Variants in MALRD1 observed in about 807,000 individuals in gnomAD.
MALRD1 encodes MAM and LDL-receptor class A domain-containing protein 1.
A neutral mutation model predicts 242.1 loss-of-function variants in MALRD1; 247 were observed. The ratio of observed to expected loss-of-function variants is 1.02; its 90% CI spans 0.92 to 1.13. The LOEUF (loss-of-function observed/expected upper bound fraction) is 1.13, where lower values mean the gene tolerates loss of function less well. MALRD1 is among the 50% of genes most tolerant of loss of function. The pLI is 0.00. For synonymous variants in MALRD1, 995 were observed against 866.6 expected, an observed-to-expected ratio of 1.15 and a Z score of -2.60; for missense variants, 2,989 against 2,533.1, an observed-to-expected ratio of 1.18 and a Z score of -3.86.
chr10:19,159,406 A>G (rs1834300508), intron 12 of MALRD1, among the ~76,000 whole-genome samples: 1 of 151,712 alleles, frequency 6.6e-6, no homozygotes, highest in South Asian at 2.1e-4. Flanking sequence ...TCTAGATCTT[A>G]TAAAGGTGCA....
Position 19,165,754 on chromosome 10 carries a change from A to T in MALRD1, c.1774A>T (p.Ser592Cys). The change falls in exon 13 of 40, where the codon AGC (serine) becomes TGC (cysteine). Residue 592 changes from serine to cysteine, a missense_variant. Physicochemically the swap from Ser to Cys is moderately radical, Grantham distance 112. Coordinates refer to ENST00000454679, the MANE Select transcript of MALRD1 (RefSeq NM_001142308.3). ...AATCAGATTCTCCGAATCTCAGTGG[A>T]GCCACGCAAAAATTGATCTCATTGC... Reference protein sequence around the residue: ...KIIRFSESQWSHAKIDLIAEA... With the variant: ...KIIRFSESQWCHAKIDLIAEA... 1 of 1,231,688 alleles carries T rather than the reference A, an allele frequency of 8.1e-7. No homozygotes were observed. The highest frequency in any genetic ancestry group is 1.0e-6 in the Non-Finnish European group (1 of 987,944). The allele number at this position is 1,231,688 out of a possible 1,614,324, so 76.3% of individuals were successfully genotyped here. A position where few individuals can be genotyped will look rare whatever the true frequency, so the allele number is the denominator to read the frequency against.
At chr10:19,614,164 T>C (rs937245917) in intron 35 of MALRD1, among the ~76,000 whole-genome samples, 1 of 152,074 alleles carries the variant, frequency 6.6e-6, no homozygotes, top group Admixed American at 6.6e-5. Context: ...ATGAGATACT[T>C]ATTGTTTGTT....
chr10:19,586,542 G>T (rs1041534365), intron 33 of MALRD1, among the ~76,000 whole-genome samples: 5 of 152,166 alleles, frequency 3.3e-5, no homozygotes, highest in African/African-American at 9.7e-5. Context: ...CTGCTCAGGG[G>T]TCAGGGGTCA....
At chr10:19,513,423 C>T (rs1262332425) in intron 31 of MALRD1, among the ~76,000 whole-genome samples, 1 of 147,010 alleles carries the variant, frequency 6.8e-6, no homozygotes, top group African/African-American at 2.5e-5. Context: ...CCAAATAAAT[C>T]TCTTTTTTTT....
chr10:19,593,017 A>G (rs926186791), intron 33 of MALRD1, among the ~76,000 whole-genome samples: 1 of 152,254 alleles, frequency 6.6e-6, no homozygotes, highest in East Asian at 1.9e-4. Context: ...AAAAAAAAAA[A>G]AAAGAATTTC....
At chr10:19,533,242 T>G (rs1436644838) in intron 32 of MALRD1, among the ~76,000 whole-genome samples, 1 of 152,220 alleles carries the variant, frequency 6.6e-6, no homozygotes, top group Non-Finnish European at 1.5e-5. Context: ...AAATAGCCTT[T>G]GAAATAGAAA....
intron 2 of MALRD1, among the ~76,000 whole-genome samples, chr10:19,076,406 GACTTAC>G (rs954991914): frequency 2.0e-5 from 3 of 151,868 alleles, no homozygotes; most frequent in Non-Finnish European, 4.4e-5. Flanking sequence ...CAAGGTCATA[GACTTAC>G]ACTTACAGTT....
intron 14 of MALRD1, among the ~76,000 whole-genome samples, chr10:19,191,044 C>T (rs1835953290): frequency 6.6e-6 from 1 of 151,970 alleles, no homozygotes; most frequent in Non-Finnish European, 1.5e-5. Flanking sequence ...AAACTTTTTG[C>T]AAATTGTATA....
chr10:19,701,576 G>T (rs1833629784), intron 38 of MALRD1, among the ~76,000 whole-genome samples: 1 of 152,160 alleles, frequency 6.6e-6, no homozygotes, highest in Non-Finnish European at 1.5e-5. Flanking sequence ...ACCCAAAAAA[G>T]AAACTTAAGT....
chr10:19,459,845 AC>A (rs1268250397), intron 29 of MALRD1, among the ~76,000 whole-genome samples: 8 of 151,458 alleles, frequency 5.3e-5, no homozygotes, highest in African/African-American at 1.9e-4. Context: ...CAATGATATA[AC>A]TTGGTTCATT....
At chr10:19,688,651 G>T (rs545250115) in intron 36 of MALRD1, among the ~76,000 whole-genome samples, 28 of 152,084 alleles carry the variant, frequency 1.8e-4, no homozygotes, top group Non-Finnish European at 2.9e-4. Flanking sequence ...TTCTGTTTTC[G>T]CTTCCAGCCC....
At chr10:19,110,664 C>A (rs2358312) in intron 5 of MALRD1, among the ~76,000 whole-genome samples, 1 of 152,006 alleles carries the variant, frequency 6.6e-6, no homozygotes, top group African/African-American at 2.4e-5. Context: ...TCTAATACCC[C>A]CTCTTCTGTT....
intron 33 of MALRD1, among the ~76,000 whole-genome samples, chr10:19,579,982 G>C (rs887167487): frequency 6.6e-6 from 1 of 152,148 alleles, no homozygotes; most frequent in Non-Finnish European, 1.5e-5. Flanking sequence ...ACACAACCTC[G>C]TCCAACATTG....
At chr10:19,533,470 T>C (rs1834519455) in intron 32 of MALRD1, among the ~76,000 whole-genome samples, 2 of 152,152 alleles carry the variant, frequency 1.3e-5, no homozygotes, top group Admixed American at 6.5e-5. Context: ...CTTGTGTTGC[T>C]GTAAAGAAAT....
chr10:19,375,789 G>T (rs1845566294), intron 26 of MALRD1, among the ~76,000 whole-genome samples: 1 of 152,128 alleles, frequency 6.6e-6, no homozygotes, highest in Non-Finnish European at 1.5e-5. Context: ...CTGTAAACTA[G>T]AAGGAACTTG....
chr10:19,417,203 C>T (rs960178530), intron 28 of MALRD1, among the ~76,000 whole-genome samples: 2 of 152,152 alleles, frequency 1.3e-5, no homozygotes, highest in Non-Finnish European at 2.9e-5. Context: ...CACATGGTCT[C>T]TCTGGGTCAT....
chr10:19,117,827 C>G (rs934612558), intron 5 of MALRD1, among the ~76,000 whole-genome samples: 1 of 152,142 alleles, frequency 6.6e-6, no homozygotes, highest in Admixed American at 6.5e-5. Flanking sequence ...ATTGAGTCTA[C>G]AATGTTTTAA....
At chr10:19,433,466 T>G (rs2130955457) in intron 28 of MALRD1, among the ~76,000 whole-genome samples, 1 of 152,312 alleles carries the variant, frequency 6.6e-6, no homozygotes, top group Admixed American at 6.5e-5. Context: ...TCTGAGCCCT[T>G]CTAACATGAC....
chr10:19,511,004 C>G (rs888016303), intron 31 of MALRD1, among the ~76,000 whole-genome samples: 1 of 152,116 alleles, frequency 6.6e-6, no homozygotes, highest in Non-Finnish European at 1.5e-5. Context: ...CTAAAACAAC[C>G]TTATCAAGAG....
Sources: gnomAD v4.1 joint callset for allele counts (sites outside exome capture counted in the v4.1 genomes callset) on GRCh38, gnomAD v4.1.1 for gene constraint, MANE v1.5 for transcripts, NCBI Gene and HGNC (gene_info 2026-07-23, HGNC 2026-07-21) for gene names.